Variants in WWOX observed in about 807,000 individuals in gnomAD.
The protein encoded by WWOX is WW domain containing oxidoreductase.
Under a neutral mutation model 46.2 loss-of-function variants are expected in WWOX, and 69 were observed. That is an observed-to-expected ratio of 1.49 (90% CI 1.23 to 1.82). WWOX has a LOEUF of 1.82. Among genes scored for constraint, WWOX ranks in the 40% most tolerant of loss-of-function variants. The pLI is 0.00. For synonymous variants in WWOX, 359 were observed against 202.6 expected, an observed-to-expected ratio of 1.77 and a Z score of -6.56; for missense variants, 919 against 542.6, an observed-to-expected ratio of 1.69 and a Z score of -6.89.
intron 8 of WWOX, among the ~76,000 whole-genome samples, chr16:78,883,913 A>G (rs1001506320): frequency 1.3e-5 from 2 of 152,162 alleles, no homozygotes; most frequent in Non-Finnish European, 2.9e-5. Context: ...TGATAGTAAC[A>G]TCAGTTGGTA....
intron 8 of WWOX, among the ~76,000 whole-genome samples, chr16:78,865,904 C>A (rs2043993186): frequency 6.6e-6 from 1 of 152,106 alleles, no homozygotes; most frequent in Non-Finnish European, 1.5e-5. Context: ...TTGTGTCTGG[C>A]CTTTGTGATA....
At chr16:78,195,158 G>A (rs1227998421) in intron 5 of WWOX, among the ~76,000 whole-genome samples, 1 of 152,260 alleles carries the variant, frequency 6.6e-6, no homozygotes, top group African/African-American at 2.4e-5. Context: ...TCACCCTGGA[G>A]AGCCCAGCCC....
intron 8 of WWOX, among the ~76,000 whole-genome samples, chr16:78,616,329 C>T (rs2046024071): frequency 6.6e-6 from 1 of 152,038 alleles, no homozygotes; most frequent in Non-Finnish European, 1.5e-5. Flanking sequence ...ATGTATTTCT[C>T]ACAATTCCGG....
At chr16:78,515,480 C>T (rs2085465930) in intron 8 of WWOX, among the ~76,000 whole-genome samples, 1 of 152,114 alleles carries the variant, frequency 6.6e-6, no homozygotes, top group Admixed American at 6.5e-5. Context: ...TAATGGTTTG[C>T]TTGGTGTACT....
At chr16:78,712,824 C>A (rs893033887) in intron 8 of WWOX, among the ~76,000 whole-genome samples, 2 of 152,042 alleles carry the variant, frequency 1.3e-5, no homozygotes, top group African/African-American at 4.8e-5. Flanking sequence ...GTAAATAATT[C>A]AAGATTGGAA....
At chr16:78,270,075 T>A (rs536429333) in intron 5 of WWOX, 2 of 152,304 alleles carry the variant, frequency 1.3e-5, no homozygotes, top group Non-Finnish European at 2.9e-5. Context: ...GTATTTGATG[T>A]TAAGCCTCAA....
intron 8 of WWOX, among the ~76,000 whole-genome samples, chr16:79,209,710 G>C (rs542989758): frequency 1.3e-5 from 2 of 152,334 alleles, no homozygotes; most frequent in East Asian, 1.9e-4. Context: ...TACTTGGCTT[G>C]AGTTAGCTGG....
intron 8 of WWOX, among the ~76,000 whole-genome samples, chr16:78,714,693 G>A (rs1367058002): frequency 6.6e-6 from 1 of 152,180 alleles, no homozygotes; most frequent in Non-Finnish European, 1.5e-5. Flanking sequence ...AGTGTAGCAT[G>A]TTTGAGACAC....
intron 8 of WWOX, among the ~76,000 whole-genome samples, chr16:78,769,876 T>C (rs888973949): frequency 6.6e-6 from 1 of 151,324 alleles, no homozygotes; most frequent in Non-Finnish European, 1.5e-5. Flanking sequence ...AAAATAAAAA[T>C]AAAAATAAAT....
chr16:78,728,659 G>A (rs972586163), intron 8 of WWOX, among the ~76,000 whole-genome samples: 1 of 152,168 alleles, frequency 6.6e-6, no homozygotes, highest in Non-Finnish European at 1.5e-5. Flanking sequence ...ATCCCTGAGG[G>A]TCCCTTGACT....
chr16:78,970,189 A>G (rs1290098934), intron 8 of WWOX, among the ~76,000 whole-genome samples: 3 of 152,118 alleles, frequency 2.0e-5, no homozygotes, highest in Non-Finnish European at 4.4e-5. Context: ...CCTGCTGTTA[A>G]TGCCCCCTTT....
chr16:78,243,374 A>C (rs1381104252), intron 5 of WWOX, among the ~76,000 whole-genome samples: 1 of 152,100 alleles, frequency 6.6e-6, no homozygotes, highest in East Asian at 1.9e-4. Context: ...TTTTTAAAAA[A>C]CTTTAGTTTC....
intron 8 of WWOX, among the ~76,000 whole-genome samples, chr16:79,072,638 C>G (rs2048572856): frequency 6.6e-6 from 1 of 152,186 alleles, no homozygotes; most frequent in African/African-American, 2.4e-5. Context: ...TATTAATGAT[C>G]AAAGTTAGCA....
chr16:78,691,856 A>G (rs1306427819), intron 8 of WWOX, among the ~76,000 whole-genome samples: 1 of 152,206 alleles, frequency 6.6e-6, no homozygotes, highest in East Asian at 1.9e-4. Flanking sequence ...TATCTGCCAG[A>G]ATTCCCACAT....
intron 5 of WWOX, among the ~76,000 whole-genome samples, chr16:78,359,871 G>T (rs572200499): frequency 6.6e-6 from 1 of 152,164 alleles, no homozygotes; most frequent in African/African-American, 2.4e-5. Context: ...TTTTGACACA[G>T]CAAAAACATG....
intron 8 of WWOX, among the ~76,000 whole-genome samples, chr16:79,095,847 A>AT: frequency 6.9e-6 from 1 of 145,638 alleles, no homozygotes; most frequent in African/African-American, 2.6e-5. Flanking sequence ...TCACTGCTCA[A>AT]TTCTCTCTCT....
intron 8 of WWOX, among the ~76,000 whole-genome samples, chr16:79,058,806 G>T (rs2347088): frequency 6.6e-6 from 1 of 152,000 alleles, no homozygotes; most frequent in African/African-American, 2.4e-5. Context: ...TTTGTTGTGT[G>T]TGTAAAATTC....
intron 8 of WWOX, among the ~76,000 whole-genome samples, chr16:78,798,045 A>G (rs1405291341): frequency 9.9e-5 from 15 of 152,208 alleles, no homozygotes; most frequent in Admixed American, 6.5e-5. Flanking sequence ...ATCTTAGCCC[A>G]TGGAATCCAG....
intron 4 of WWOX, among the ~76,000 whole-genome samples, chr16:78,128,010 T>C (rs1274112032): frequency 1.3e-5 from 2 of 152,148 alleles, no homozygotes; most frequent in East Asian, 1.9e-4. Context: ...AGTAAAACAA[T>C]GTGTGAAATG....
Sources: allele counts gnomAD v4.1 joint callset (sites outside exome capture counted in the v4.1 genomes callset), GRCh38; gene constraint gnomAD v4.1.1; transcripts MANE v1.5; gene names NCBI Gene and HGNC (gene_info 2026-07-23, HGNC 2026-07-21).